LRMDA: variants seen among roughly 807,000 people sequenced by gnomAD.
LRMDA encodes leucine rich melanocyte differentiation associated.
In LRMDA, 18 loss-of-function variants were observed where a neutral mutation model predicts 29.8. That is an observed-to-expected ratio of 0.60 (90% CI 0.42 to 0.90). LRMDA has a LOEUF of 0.90. Ranked by LOEUF, LRMDA falls within the 40% of genes least tolerant of loss-of-function variation. LRMDA has a pLI of 0.00. For missense variants in LRMDA, 273 were observed against 273.9 expected, an observed-to-expected ratio of 1.00 and a Z score of 0.02; for synonymous variants, 125 against 109.4, an observed-to-expected ratio of 1.14 and a Z score of -0.89.
intron 6 of LRMDA, among the ~76,000 whole-genome samples, chr10:76,529,238 T>C (rs994415824): frequency 3.9e-5 from 6 of 152,096 alleles, no homozygotes; most frequent in African/African-American, 1.4e-4. Context: ...CCTTTTATGA[T>C]TGTGGTGAGG....
chr10:76,546,241 AT>A (rs1206650372), intron 6 of LRMDA, among the ~76,000 whole-genome samples: 3 of 152,102 alleles, frequency 2.0e-5, no homozygotes, highest in African/African-American at 7.2e-5. Flanking sequence ...ATTGTTTTCG[AT>A]TTTTTGGAGC....
intron 2 of LRMDA, among the ~76,000 whole-genome samples, chr10:75,916,353 T>C (rs777151904): frequency 1.9e-4 from 29 of 152,240 alleles, no homozygotes; most frequent in Admixed American, 1.2e-3. Context: ...CACATGGCTA[T>C]TGCTGGCTGG....
intron 2 of LRMDA, among the ~76,000 whole-genome samples, chr10:75,707,839 G>A (rs1430674303): frequency 2.0e-5 from 3 of 152,172 alleles, no homozygotes; most frequent in East Asian, 1.9e-4. Flanking sequence ...AGGTGGGGAC[G>A]GGGACTGGGG....
chr10:75,833,712 G>A (rs1002322982), intron 2 of LRMDA, among the ~76,000 whole-genome samples: 1 of 152,070 alleles, frequency 6.6e-6, no homozygotes. Flanking sequence ...TGAGTGAGCC[G>A]CTAAGTATAA....
chr10:76,505,615 G>A (rs547565622), intron 6 of LRMDA, among the ~76,000 whole-genome samples: 2 of 152,118 alleles, frequency 1.3e-5, no homozygotes, highest in East Asian at 1.9e-4. Flanking sequence ...CAGAAGTTCA[G>A]TTTGGTTCTT....
chr10:76,131,668 T>G (rs985065165), intron 5 of LRMDA, among the ~76,000 whole-genome samples: 1 of 152,200 alleles, frequency 6.6e-6, no homozygotes, highest in Non-Finnish European at 1.5e-5. Context: ...TGATGGTTTT[T>G]TTTTTTAAAG....
intron 6 of LRMDA, among the ~76,000 whole-genome samples, chr10:76,493,212 T>C (rs1019297483): frequency 3.9e-5 from 6 of 152,062 alleles, no homozygotes; most frequent in African/African-American, 1.4e-4. Flanking sequence ...ACTCAAACCA[T>C]GAAACAAAGT....
At chr10:75,764,222 C>A (rs1264126426) in intron 2 of LRMDA, among the ~76,000 whole-genome samples, 1 of 152,162 alleles carries the variant, frequency 6.6e-6, no homozygotes, top group African/African-American at 2.4e-5. Flanking sequence ...TTGGAAGTCA[C>A]CAAATAGTTT....
chr10:75,449,653 C>G (rs976446247), intron 2 of LRMDA, among the ~76,000 whole-genome samples: 1 of 152,002 alleles, frequency 6.6e-6, no homozygotes, highest in Admixed American at 6.6e-5. Flanking sequence ...ATTTCCTGCT[C>G]TCTCCCATTT....
chr10:76,089,835 G>C (rs1325943159), intron 5 of LRMDA, among the ~76,000 whole-genome samples: 1 of 152,184 alleles, frequency 6.6e-6, no homozygotes, highest in Admixed American at 6.5e-5. Context: ...GATATGAAAA[G>C]TCAAACTGTG....
intron 5 of LRMDA, among the ~76,000 whole-genome samples, chr10:76,306,581 T>G (rs1840559288): frequency 6.6e-6 from 1 of 152,182 alleles, no homozygotes; most frequent in Admixed American, 6.5e-5. Context: ...ACCTGGAGGC[T>G]TGGATATATT....
At chr10:76,038,697 A>C (rs928932093) in intron 3 of LRMDA, among the ~76,000 whole-genome samples, 2 of 152,146 alleles carry the variant, frequency 1.3e-5, no homozygotes, top group African/African-American at 2.4e-5. Context: ...CTCCTACCTA[A>C]CTGTGAGAAT....
At chr10:75,947,906 A>C (rs1454830349) in intron 2 of LRMDA, among the ~76,000 whole-genome samples, 1 of 152,084 alleles carries the variant, frequency 6.6e-6, no homozygotes, top group South Asian at 2.1e-4. Context: ...CGATTATTGG[A>C]TTCTGTAGAT....
chr10:76,292,040 T>G lies in LRMDA; in HGVS notation c.517-32361T>G, dbSNP rs74878700. 5.1e-4 allele frequency among the ~76,000 whole-genome samples: 77 copies of G among 152,224 alleles called. 2 individuals are homozygous for G. In the East Asian group the frequency reaches 0.014, roughly 27 times the overall value. On this transcript the variant is annotated intron_variant, in intron 5 of 6. Transcript: ENST00000611255. ...AATGTCAGTGAACCATACAAGTCAA[T>G]GTATAATTAAGCCCATAGCAGGCCC...
intron 2 of LRMDA, among the ~76,000 whole-genome samples, chr10:75,893,388 T>A (rs1258509173): frequency 6.6e-6 from 1 of 152,220 alleles, no homozygotes; most frequent in Non-Finnish European, 1.5e-5. Context: ...CATTGGCCAT[T>A]GTATTTATAA....
At chr10:76,313,444 A>G (rs1840653417) in intron 5 of LRMDA, among the ~76,000 whole-genome samples, 1 of 152,238 alleles carries the variant, frequency 6.6e-6, no homozygotes, top group Admixed American at 6.5e-5. Context: ...CTGGCTCTAA[A>G]TCTTGATCAA....
intron 2 of LRMDA, among the ~76,000 whole-genome samples, chr10:75,654,403 A>G (rs1841641299): frequency 6.6e-6 from 1 of 152,238 alleles, no homozygotes; most frequent in Non-Finnish European, 1.5e-5. Context: ...CCAGGAGTAT[A>G]TTAAATTTAC....
chr10:76,336,231 C>G (rs1486237573), intron 6 of LRMDA, among the ~76,000 whole-genome samples: 1 of 141,392 alleles, frequency 7.1e-6, no homozygotes, highest in African/African-American at 2.9e-5. Context: ...ATCCTGGGTT[C>G]TCTATGTCAG....
chr10:75,563,101 C>G (rs919129520), intron 2 of LRMDA, among the ~76,000 whole-genome samples: 10 of 152,086 alleles, frequency 6.6e-5, no homozygotes, highest in African/African-American at 2.4e-4. Context: ...GGGAAGTTCT[C>G]CTGGATAATA....
Sources: gnomAD v4.1 joint callset for allele counts (sites outside exome capture counted in the v4.1 genomes callset) on GRCh38, gnomAD v4.1.1 for gene constraint, MANE v1.5 for transcripts, NCBI Gene and HGNC (gene_info 2026-07-23, HGNC 2026-07-21) for gene names.